Variants in EPB41L3 observed in about 807,000 individuals in gnomAD.
EPB41L3 encodes erythrocyte membrane protein band 4.1 like 3, also known as band 4.1-like protein 3.
EPB41L3 carries 57 observed loss-of-function variants against 127.1 expected under a neutral mutation model. The ratio of observed to expected loss-of-function variants is 0.45; its 90% CI spans 0.36 to 0.56. EPB41L3 has a LOEUF of 0.56. Ranked by LOEUF, EPB41L3 falls within the 20% of genes least tolerant of loss-of-function variation. The pLI is 0.00. For missense variants in EPB41L3, 1,273 were observed against 1,372.2 expected, an observed-to-expected ratio of 0.93 and a Z score of 1.14; for synonymous variants, 572 against 549.5, an observed-to-expected ratio of 1.04 and a Z score of -0.57.
rs1457005567 is a variant in EPB41L3, at chr18:5,428,345, T to C, written c.1033A>G (p.Asn345Asp). Residue 345 changes from asparagine to aspartate, a missense_variant, in exon 9 of 23, where the codon AAC becomes GAC. By Grantham distance (23) the Asn-to-Asp change is conservative (BLOSUM62 1). Coordinates refer to ENST00000341928, the MANE Select transcript of EPB41L3 (RefSeq NM_012307.5). Reference protein sequence around the residue: ...PKVLKISYKRNNFYIKIRPGE... With the variant: ...PKVLKISYKRDNFYIKIRPGE... ...GGCCGGATCTTAATGTAAAAGTTGT[T>C]CCGTTTGTATGAAATCTTTAGAACC... 2 of 1,614,176 alleles carry C rather than the reference T, an allele frequency of 1.2e-6. No individual in the cohort carries two copies. The highest frequency in any genetic ancestry group is 2.2e-5 in the East Asian group (1 of 44,878).
chr18:5,495,277 A>G (rs2091043560), intron 1 of EPB41L3, among the ~76,000 whole-genome samples: 1 of 152,180 alleles, frequency 6.6e-6, no homozygotes, highest in Non-Finnish European at 1.5e-5. Context: ...TGAAGACATA[A>G]TAATTCAAAA....
intron 1 of EPB41L3, chr18:5,489,489 A>T (rs1372899251): frequency 9.0e-6 from 3 of 335,098 alleles, no homozygotes; most frequent in Middle Eastern, 8.0e-4. Context: ...ACATTAAAGA[A>T]ATGTCATAAT....
At chr18:5,407,106 C>G in intron 15 of EPB41L3, 138 bp from the exon 16 acceptor site, 5 of 677,694 alleles carry the variant, frequency 7.4e-6, no homozygotes. Context: ...GCTCATGGCA[C>G]TACCACAAAC....
chr18:5,503,048 T>G (rs1383238614), intron 1 of EPB41L3, among the ~76,000 whole-genome samples: 1 of 152,218 alleles, frequency 6.6e-6, no homozygotes, highest in African/African-American at 2.4e-5. Context: ...GTTGACTCAC[T>G]TTTTTAGATT....
At chr18:5,455,029 T>C (rs906750054) in intron 3 of EPB41L3, among the ~76,000 whole-genome samples, 1 of 152,222 alleles carries the variant, frequency 6.6e-6, no homozygotes, top group Non-Finnish European at 1.5e-5. Flanking sequence ...TCTCTGAGCT[T>C]CATTGTTTTC....
At chr18:5,627,941 C>G (rs940352635) in intron 1 of EPB41L3, among the ~76,000 whole-genome samples, 3 of 152,204 alleles carry the variant, frequency 2.0e-5, no homozygotes, top group African/African-American at 7.2e-5. Flanking sequence ...CTTGGTGTCA[C>G]TAAGTCTGAA....
upstream of EPB41L3, among the ~76,000 whole-genome samples, chr18:5,629,583 C>G (rs73937194): frequency 0.12 from 18,286 of 152,206 alleles, 1,223 homozygotes; most frequent in African/African-American, 0.16. Flanking sequence ...AGGTTCGCAC[C>G]TTCCCGGAAG....
chr18:5,547,345 C>T (rs796527347), upstream of EPB41L3, among the ~76,000 whole-genome samples: 3 of 152,150 alleles, frequency 2.0e-5, no homozygotes, highest in African/African-American at 2.4e-5. Context: ...CAGTAAATGC[C>T]GTTTACACAG....
chr18:5,428,523 T>C, intron 8 of EPB41L3, 58 bp from the exon 9 acceptor site: 2 of 1,597,362 alleles, frequency 1.3e-6, no homozygotes, highest in South Asian at 2.2e-5. Context: ...CATTTTCTGC[T>C]GGGTAAAGTA....
chr18:5,544,316 C>G (rs142843193), upstream of EPB41L3: 2 of 985,310 alleles, frequency 2.0e-6, no homozygotes, highest in South Asian at 4.7e-5. Flanking sequence ...CCTCTCCAGA[C>G]CCCTCTCCCC....
intron 9 of EPB41L3, 97 bp from the exon 10 acceptor site, chr18:5,424,456 T>C (rs1232320539): frequency 2.1e-6 from 2 of 963,046 alleles, no homozygotes; most frequent in Admixed American, 5.3e-5. Context: ...ACCAGAATTT[T>C]AAAAATTTAC....
At chr18:5,420,059 A>G (rs1455136376) in intron 11 of EPB41L3, 182 bp from the exon 12 acceptor site, 2 of 1,319,182 alleles carry the variant, frequency 1.5e-6, no homozygotes, top group Non-Finnish European at 2.0e-6. Context: ...GCCTTGAAAA[A>G]ACAAATCAGT....
intron 1 of EPB41L3, among the ~76,000 whole-genome samples, chr18:5,494,046 T>C (rs1431182024): frequency 2.6e-5 from 4 of 152,220 alleles, no homozygotes; most frequent in African/African-American, 7.2e-5. Flanking sequence ...TCATTTCAAA[T>C]ACAATGACAA....
At chr18:5,532,950 C>T (rs1173296201) in intron 1 of EPB41L3, among the ~76,000 whole-genome samples, 1 of 151,522 alleles carries the variant, frequency 6.6e-6, no homozygotes, top group African/African-American at 2.4e-5. Context: ...GATGGTAAGT[C>T]AATAAAGCCA....
chr18:5,522,942 GCAACATGGCTGCAA>G (rs948603410), intron 1 of EPB41L3, among the ~76,000 whole-genome samples: 7 of 150,898 alleles, frequency 4.6e-5, no homozygotes, highest in South Asian at 4.2e-4. Context: ...TTTTTTTTTT[GCAACATGGCTGCAA>G]TACTAGTTAA....
intron 1 of EPB41L3, among the ~76,000 whole-genome samples, chr18:5,495,916 C>T (rs2091127631): frequency 6.6e-6 from 1 of 152,188 alleles, no homozygotes; most frequent in South Asian, 2.1e-4. Context: ...CAGATACTAC[C>T]TGATCCTACT....
At chr18:5,610,942 T>C (rs895880146) in intron 3 of EPB41L3, among the ~76,000 whole-genome samples, 18 of 152,128 alleles carry the variant, frequency 1.2e-4, no homozygotes, top group Admixed American at 2.6e-4. Context: ...ATAGAACATA[T>C]TGTCAAGTAG....
intron 3 of EPB41L3, among the ~76,000 whole-genome samples, chr18:5,556,872 A>G (rs2094043277): frequency 6.6e-6 from 1 of 152,182 alleles, no homozygotes; most frequent in Non-Finnish European, 1.5e-5. Flanking sequence ...TAATTCATGA[A>G]AAAAGCACTC....
upstream of EPB41L3, among the ~76,000 whole-genome samples, chr18:5,629,249 C>T (rs2144385515): frequency 6.6e-6 from 1 of 152,018 alleles, no homozygotes; most frequent in South Asian, 2.1e-4. Flanking sequence ...CGTGGGGGTA[C>T]CGGGAGCTGG....
Sources: gnomAD v4.1 joint callset for allele counts (sites outside exome capture counted in the v4.1 genomes callset) on GRCh38, gnomAD v4.1.1 for gene constraint, MANE v1.5 for transcripts, NCBI Gene and HGNC (gene_info 2026-07-23, HGNC 2026-07-21) for gene names.